The following GLIS3 variants were observed in gnomAD, a reference collection of about 807,000 sequenced individuals.
GLIS3 encodes the protein GLIS family zinc finger 3.
Under a neutral mutation model 78.6 loss-of-function variants are expected in GLIS3, and 53 were observed. The ratio of observed to expected loss-of-function variants is 0.67; its 90% CI spans 0.54 to 0.85. The LOEUF (loss-of-function observed/expected upper bound fraction) is 0.85, where lower values mean the gene tolerates loss of function less well. GLIS3 is among the 40% of genes least tolerant of loss of function. The pLI, the probability that GLIS3 is intolerant of heterozygous loss-of-function variation, is 0.00. For missense variants in GLIS3, 1,703 were observed against 1,231.1 expected (o/e 1.38, Z -5.74); for synonymous variants, 684 against 509.9 (o/e 1.34, Z -4.60).
chr9:4,409,901 T>A, the GLIS3 span, among the ~76,000 whole-genome samples: 1 of 152,200 alleles, frequency 6.6e-6, no homozygotes, highest in African/African-American at 2.4e-5. Flanking sequence ...CTATAAGTTA[T>A]TTTTACTATC....
intron 4 of GLIS3, among the ~76,000 whole-genome samples, chr9:3,950,945 A>G (rs1404336122): frequency 6.6e-6 from 1 of 152,246 alleles, no homozygotes; most frequent in Non-Finnish European, 1.5e-5. Flanking sequence ...AATTCATAGG[A>G]ACAGTATTTG....
At chr9:4,394,207 G>C in the GLIS3 span, among the ~76,000 whole-genome samples, 1 of 151,870 alleles carries the variant, frequency 6.6e-6, no homozygotes, top group African/African-American at 2.4e-5. Flanking sequence ...AGGATGGCTT[G>C]AGGATTTTTA....
the GLIS3 span, among the ~76,000 whole-genome samples, chr9:4,438,477 A>C: frequency 1.2e-4 from 18 of 152,208 alleles, no homozygotes; most frequent in African/African-American, 4.1e-4. Context: ...CAAAGGGATG[A>C]TGAGATGGTG....
chr9:4,339,950 A>G (rs1228110941), intron 2 of GLIS3, among the ~76,000 whole-genome samples: 2 of 148,796 alleles, frequency 1.3e-5, no homozygotes, highest in South Asian at 2.2e-4. Flanking sequence ...AGTTTCCTAG[A>G]GTGAACTTAA....
chr9:4,294,807 G>T (rs4534176), intron 1 of GLIS3, among the ~76,000 whole-genome samples: 140,247 of 152,270 alleles, frequency 0.92, 65,206 homozygotes, highest in Non-Finnish European at 0.98. Flanking sequence ...TTATCATATA[G>T]TTATGCTACA....
At chr9:3,921,076 C>G (rs1446666406) in intron 6 of GLIS3, among the ~76,000 whole-genome samples, 1 of 152,202 alleles carries the variant, frequency 6.6e-6, no homozygotes, top group Non-Finnish European at 1.5e-5. Flanking sequence ...AATCTGAAAG[C>G]AAATTGGAGC....
chr9:3,843,351 T>G (rs538705317), intron 9 of GLIS3, among the ~76,000 whole-genome samples: 13 of 152,358 alleles, frequency 8.5e-5, no homozygotes, highest in African/African-American at 2.9e-4. Context: ...GCTGAGTCTC[T>G]ATTATATATG....
chr9:4,360,588 C>T, the GLIS3 span, among the ~76,000 whole-genome samples: 20 of 152,234 alleles, frequency 1.3e-4, no homozygotes, highest in Admixed American at 6.5e-4. Flanking sequence ...TTGATATTAT[C>T]GGACCCATTT....
At chr9:4,374,364 C>G in the GLIS3 span, among the ~76,000 whole-genome samples, 40 of 152,364 alleles carry the variant, frequency 2.6e-4, no homozygotes, top group Middle Eastern at 6.8e-3. Context: ...ATACTTTTGA[C>G]TGTTCTCCGG....
At chr9:3,833,549 G>A (rs1212493084) in intron 9 of GLIS3, among the ~76,000 whole-genome samples, 2 of 152,118 alleles carry the variant, frequency 1.3e-5, no homozygotes, top group African/African-American at 4.8e-5. Context: ...GAGAGTGGTG[G>A]CAAGGTCAGC....
intron 4 of GLIS3, among the ~76,000 whole-genome samples, chr9:3,964,990 C>G (rs1158402515): frequency 1.3e-5 from 2 of 151,902 alleles, no homozygotes; most frequent in East Asian, 1.9e-4. Flanking sequence ...CCGTTAACTA[C>G]CAATTGTGTG....
rs903969973 is a variant in GLIS3, at chr9:3,897,831, GA to G, written c.2128+859del. Among the ~76,000 whole-genome samples the G allele has an allele frequency of 3.9e-5, 6 of 152,214 alleles. 1 individual carries two copies. Among genetic ancestry groups the G allele is most frequent in the African/African-American group, 1.4e-4 (6 of 41,548 alleles). On this transcript the variant is annotated intron_variant, in intron 7 of 10. Transcript: ENST00000381971. Reference sequence around the variant, plus strand: ...AATGGCTTATTCATACTTTTCGAAAGAAAAAAACAGTCTGCTGCCAAACCTG... The same window carrying G: ...AATGGCTTATTCATACTTTTCGAAAGAAAAAACAGTCTGCTGCCAAACCTG...
intron 2 of GLIS3, chr9:4,347,067 T>C (rs554514027): frequency 6.6e-6 from 1 of 152,384 alleles, no homozygotes; most frequent in South Asian, 2.1e-4. Context: ...GGAAAAGAGG[T>C]TTATTTGACT....
chr9:4,198,595 C>A (rs1195830838), intron 2 of GLIS3, among the ~76,000 whole-genome samples: 1 of 152,112 alleles, frequency 6.6e-6, no homozygotes. Context: ...TACTGGCATT[C>A]CTGAGAGAAG....
chr9:4,333,735 G>GCCCTC (rs1817716138), intron 2 of GLIS3, among the ~76,000 whole-genome samples: 1 of 142,136 alleles, frequency 7.0e-6, no homozygotes, highest in Non-Finnish European at 1.5e-5. Context: ...GCAATGTGAT[G>GCCCTC]CCCCCCCCCA....
chr9:4,171,236 A>G (rs892828488), intron 2 of GLIS3, among the ~76,000 whole-genome samples: 17 of 152,216 alleles, frequency 1.1e-4, no homozygotes, highest in Admixed American at 4.6e-4. Context: ...TCACCATAAC[A>G]GTATAAAGAT....
At chr9:4,195,135 A>G (rs1818692508) in intron 2 of GLIS3, among the ~76,000 whole-genome samples, 1 of 152,246 alleles carries the variant, frequency 6.6e-6, no homozygotes, top group Non-Finnish European at 1.5e-5. Flanking sequence ...CTGAGAGGTG[A>G]CAACATGCTG....
chr9:4,247,805 A>C (rs904260899), intron 2 of GLIS3, among the ~76,000 whole-genome samples: 1 of 152,238 alleles, frequency 6.6e-6, no homozygotes, highest in African/African-American at 2.4e-5. Context: ...TTTATGTAGT[A>C]CAATGTGATG....
intron 4 of GLIS3, among the ~76,000 whole-genome samples, chr9:3,991,828 C>T (rs563315834): frequency 1.3e-5 from 2 of 151,864 alleles, no homozygotes; most frequent in Middle Eastern, 3.4e-3. Flanking sequence ...GTAGCTGGGA[C>T]TACAGGCGCC....
Sources: allele counts gnomAD v4.1 joint callset (sites outside exome capture counted in the v4.1 genomes callset), GRCh38; gene constraint gnomAD v4.1.1; transcripts MANE v1.5; gene names NCBI Gene and HGNC (gene_info 2026-07-23, HGNC 2026-07-21).